Variants in MARK3 observed in about 807,000 individuals in gnomAD.
The protein encoded by MARK3 is microtubule affinity regulating kinase 3.
Under a neutral mutation model 90.1 loss-of-function variants are expected in MARK3, and 46 were observed. That is an observed-to-expected ratio of 0.51 (90% CI 0.40 to 0.65). MARK3 has a LOEUF of 0.65. Ranked by LOEUF, MARK3 falls within the 30% of genes least tolerant of loss-of-function variation. The pLI, the probability that MARK3 is intolerant of heterozygous loss-of-function variation, is 0.00. For synonymous variants in MARK3, 321 were observed against 332.6 expected (o/e 0.97, Z 0.38); for missense variants, 818 against 947.2 (o/e 0.86, Z 1.79).
At chr14:103,496,909 G>A (rs140542368) in intron 15 of MARK3, among the ~76,000 whole-genome samples, 1 of 151,856 alleles carries the variant, frequency 6.6e-6, no homozygotes, top group Non-Finnish European at 1.5e-5. Context: ...AGGAGTGGTG[G>A]TGCATGCCTG....
Position 103,415,267 on chromosome 14 carries a change from T to TATGTACAC in MARK3, c.243+10001_243+10008dup, listed in dbSNP as rs1295052435. On this transcript the variant is annotated intron_variant, in intron 2 of 17. Coordinates refer to ENST00000429436, the MANE Select transcript of MARK3 (RefSeq NM_001128918.3). The stretch of plus-strand genomic sequence containing the variant: ...AAGAATTATAAACAAGATACATTAA[T>TATGTACAC]ATGTACACTCTGAAGACCATTTTAA... 2.0e-5 allele frequency among the ~76,000 whole-genome samples: 3 copies of TATGTACAC among 151,754 alleles called. No homozygotes were observed. In the East Asian group the frequency reaches 5.8e-4, roughly 30 times the overall value.
chr14:103,424,905 G>C (rs1034744970), intron 2 of MARK3, among the ~76,000 whole-genome samples: 3 of 152,122 alleles, frequency 2.0e-5, no homozygotes, highest in Non-Finnish European at 4.4e-5. Context: ...GATTATGAGT[G>C]TTCAAGGCCT....
intron 6 of MARK3, 139 bp from the exon 7 acceptor site, chr14:103,462,266 G>A: frequency 5.4e-6 from 3 of 555,644 alleles, no homozygotes; most frequent in South Asian, 6.5e-5. Context: ...TCAAGGCATA[G>A]GAAAATTGTT....
rs759904820 is a variant in MARK3, at chr14:103,465,635, G to T, written c.619G>T (p.Gly207Cys). The change falls in exon 8 of 18, where the codon GGT becomes TGT. Residue 207 changes from glycine (G) to cysteine (C), a missense_variant. By Grantham distance (159) the Gly-to-Cys change is radical (BLOSUM62 -3). This residue lies in a region of MARK3 where 101 missense variants were observed against 175.1 expected (regional missense o/e 0.58). Transcript: ENST00000429436. ...TTTTAGCAATGAATTTACTGTTGGC[G>T]GTAAACTCGACACGTTTTGTGGCAG... ...FGFSNEFTVG[G>C]KLDTFCGSPP... The T allele has an allele frequency of 6.2e-7, 1 of 1,614,048 alleles. No individual in the cohort carries two copies. The highest frequency in any genetic ancestry group is 1.7e-5 in the Admixed American group (1 of 60,000).
chr14:103,485,488 G>A (rs1040829921), intron 14 of MARK3, among the ~76,000 whole-genome samples: 1 of 151,802 alleles, frequency 6.6e-6, no homozygotes, highest in African/African-American at 2.4e-5. Flanking sequence ...ACCCAGGCTG[G>A]TCTCAAATTC....
At chr14:103,490,545 T>A (rs2093999478) in intron 14 of MARK3, 1 of 151,930 alleles carries the variant, frequency 6.6e-6, no homozygotes, top group Non-Finnish European at 1.5e-5. Flanking sequence ...AAAGAAAAAA[T>A]AAAATATGTC....
intron 3 of MARK3, among the ~76,000 whole-genome samples, chr14:103,436,283 C>G (rs1448004680): frequency 1.3e-5 from 2 of 152,220 alleles, no homozygotes; most frequent in African/African-American, 2.4e-5. Flanking sequence ...TTTTCTCCCT[C>G]TCTGGAACTC....
At chr14:103,487,247 T>G (rs2141962712) in intron 14 of MARK3, among the ~76,000 whole-genome samples, 1 of 150,522 alleles carries the variant, frequency 6.6e-6, no homozygotes, top group East Asian at 2.1e-4. Flanking sequence ...CCCAGCACTT[T>G]GGGAGGCCAA....
chr14:103,426,323 A>G (rs2092403191), intron 2 of MARK3, among the ~76,000 whole-genome samples: 1 of 144,134 alleles, frequency 6.9e-6, no homozygotes, highest in Non-Finnish European at 1.5e-5. Flanking sequence ...ATTTTGGTAG[A>G]TATTCGTTGA....
At chr14:103,424,461 G>A (rs757936538) in intron 2 of MARK3, among the ~76,000 whole-genome samples, 3 of 151,782 alleles carry the variant, frequency 2.0e-5, no homozygotes, top group Non-Finnish European at 4.4e-5. Flanking sequence ...CGGAAGTCGA[G>A]GCTGCAATGA....
At chr14:103,458,865 G>C in intron 6 of MARK3, 1 of 543,614 alleles carries the variant, frequency 1.8e-6, no homozygotes, top group Non-Finnish European at 3.3e-6. Context: ...AATACTAATG[G>C]TACTTTGAAT....
At chr14:103,445,733 T>C (rs886203824) in intron 3 of MARK3, among the ~76,000 whole-genome samples, 2 of 152,212 alleles carry the variant, frequency 1.3e-5, no homozygotes, top group Admixed American at 1.3e-4. Context: ...TGAATTCCTG[T>C]AATAGTCCAT....
rs1032278297 is a variant in MARK3, at chr14:103,498,628, A to T, written c.1871+100A>T. On this transcript the variant is annotated intron_variant, in intron 16 of 17. Transcript: ENST00000429436. ...CTTTCTGGCCCTGTTTTTTCCTTAT[A>T]AACTAAACTTTCTGCTGATAACTAA... is the stretch of plus-strand genomic sequence containing the variant. 8.8e-6 allele frequency: 10 copies of T among 1,138,142 alleles called. No individual in the cohort carries two copies. In the African/African-American group the frequency reaches 1.6e-4, roughly 19 times the overall value. 70.5% of individuals were successfully genotyped at this position (1,138,142 alleles called of 1,614,324 possible). A position where few individuals can be genotyped will look rare whatever the true frequency, so the allele number is the denominator to read the frequency against.
intron 2 of MARK3, among the ~76,000 whole-genome samples, chr14:103,423,033 G>A (rs745715339): frequency 1.3e-5 from 2 of 152,010 alleles, no homozygotes; most frequent in African/African-American, 2.4e-5. Context: ...ACATGAGAAC[G>A]CAGGGAGAGG....
intron 5 of MARK3, among the ~76,000 whole-genome samples, chr14:103,455,526 A>G (rs1171175187): frequency 6.6e-6 from 1 of 152,170 alleles, no homozygotes; most frequent in Non-Finnish European, 1.5e-5. Context: ...CAGGAGTTCG[A>G]GACCAGCCTG....
chr14:103,462,332 A>G, intron 6 of MARK3, 73 bp from the exon 7 acceptor site: 1 of 1,116,538 alleles, frequency 9.0e-7, no homozygotes, highest in Non-Finnish European at 1.3e-6. Flanking sequence ...ATGTGTGAAC[A>G]TTAACAAAGT....
At chr14:103,389,528 C>CAAAAAAAAAAAAAAAAAAAA (rs67737305) in intron 1 of MARK3, among the ~76,000 whole-genome samples, 3 of 49,852 alleles carry the variant, frequency 6.0e-5, no homozygotes, top group Admixed American at 3.4e-4. Flanking sequence ...ACTCTGTCTC[C>CAAAAAAAAAAAAAAAAAAAA]AAAAAAAAAA....
chr14:103,427,692 G>A (rs2092456626), intron 2 of MARK3, among the ~76,000 whole-genome samples: 1 of 152,072 alleles, frequency 6.6e-6, no homozygotes, highest in Non-Finnish European at 1.5e-5. Flanking sequence ...GGACTATTTA[G>A]GGTAACTTCC....
chr14:103,407,311 C>T (rs182757709), intron 2 of MARK3, among the ~76,000 whole-genome samples: 1 of 152,270 alleles, frequency 6.6e-6, no homozygotes, highest in Non-Finnish European at 1.5e-5. Flanking sequence ...GCTCATGTTA[C>T]TTGCTAATCA....
Sources: gnomAD v4.1 joint callset for allele counts (sites outside exome capture counted in the v4.1 genomes callset) on GRCh38, gnomAD v4.1.1 for gene constraint, gnomAD v4.1.1 regional missense constraint, MANE v1.5 for transcripts, NCBI Gene and HGNC (gene_info 2026-07-23, HGNC 2026-07-21) for gene names.